Variants in DLGAP4 observed in about 807,000 individuals in gnomAD.
DLGAP4 encodes the protein disks large-associated protein 4.
DLGAP4 carries 18 observed loss-of-function variants against 86.9 expected under a neutral mutation model. The observed-to-expected ratio is 0.21, with a 90% CI of 0.14 to 0.31. The LOEUF is 0.31. DLGAP4 is among the 10% of genes least tolerant of loss of function. DLGAP4 has a pLI of 1.00. For synonymous variants in DLGAP4, 548 were observed against 574.3 expected (o/e 0.95, Z 0.65); for missense variants, 1,085 against 1,362.6 (o/e 0.80, Z 3.21).
rs376525516 is a variant in DLGAP4 at position 36,480,849 on chromosome 20, T to TA, written c.1649-15849dup. 3.1e-3 allele frequency among the ~76,000 whole-genome samples: 465 copies of TA among 152,092 alleles called. 3 individuals carry two copies. The highest frequency in any genetic ancestry group is 0.011 in the African/African-American group (449 of 41,490). On this transcript the variant is annotated intron_variant, in intron 7 of 12. Coordinates refer to ENST00000339266, the MANE Select transcript of DLGAP4 (RefSeq NM_001365621.2). ...AGTGAGACCTCATCTCTACAAAAAC[T>TA]AAAAAAATTAGCCAGGCATGGTGGT...
intron 2 of DLGAP4, among the ~76,000 whole-genome samples, chr20:36,421,565 G>A (rs2032829136): frequency 6.6e-6 from 1 of 152,096 alleles, no homozygotes; most frequent in African/African-American, 2.4e-5. Context: ...TCGGCCTGGG[G>A]CAGGGCTGTG....
chr20:36,351,599 A>G (rs1422119658), intron 1 of DLGAP4, among the ~76,000 whole-genome samples: 1 of 152,036 alleles, frequency 6.6e-6, no homozygotes, highest in Admixed American at 6.6e-5. Context: ...ATTACAATGT[A>G]ATAATAATAG....
At chr20:36,521,877 T>C (rs1569526237) in intron 10 of DLGAP4, among the ~76,000 whole-genome samples, 1 of 152,230 alleles carries the variant, frequency 6.6e-6, no homozygotes, top group Non-Finnish European at 1.5e-5. Context: ...GTAATATCTT[T>C]AACTCCTGTG....
At chr20:36,491,400 G>A (rs1261536980) in intron 7 of DLGAP4, among the ~76,000 whole-genome samples, 3 of 152,146 alleles carry the variant, frequency 2.0e-5, no homozygotes, top group Non-Finnish European at 4.4e-5. Context: ...CAACTGGCTT[G>A]TGTCTGGGCT....
chr20:36,322,912 C>T (rs1210232195), intron 1 of DLGAP4, among the ~76,000 whole-genome samples: 8 of 152,042 alleles, frequency 5.3e-5, no homozygotes, highest in African/African-American at 1.4e-4. Context: ...CAGTGGCTCA[C>T]GCCTGTAATC....
In DLGAP4 at chr20:36,525,216, CAAAAAAAAAAAAAAAAAA is replaced by C. The variant is rs1159616185; in HGVS notation, c.2605-614_2605-597del. On this transcript the variant is annotated intron_variant, in intron 11 of 12. Coordinates refer to ENST00000339266, the MANE Select transcript of DLGAP4 (RefSeq NM_001365621.2). The stretch of plus-strand genomic sequence containing the variant: ...TGGGTGACAGAGCGAGACTCCGTCT[CAAAAAAAAAAAAAAAAAA>C]AAAAAAAAAAAAAAAAAAAACAAAG... Among the ~76,000 whole-genome samples, 267 of 28,504 alleles carry C rather than the reference CAAAAAAAAAAAAAAAAAA, an allele frequency of 9.4e-3. 1 individual carries two copies. In the East Asian group the frequency reaches 0.1, roughly 11 times the overall value. The allele number at this position is 28,504 out of a possible 152,430, so 18.7% of individuals were successfully genotyped here. A position where few individuals can be genotyped will look rare whatever the true frequency, so the allele number is the denominator to read the frequency against.
At chr20:36,368,182 C>T (rs1183808417) in intron 2 of DLGAP4, among the ~76,000 whole-genome samples, 1 of 152,218 alleles carries the variant, frequency 6.6e-6, no homozygotes, top group Non-Finnish European at 1.5e-5. Flanking sequence ...CTCTTACCTC[C>T]CTCCACCCAG....
chr20:36,317,697 T>G (rs2065123329), intron 1 of DLGAP4, among the ~76,000 whole-genome samples: 1 of 151,804 alleles, frequency 6.6e-6, no homozygotes, highest in Admixed American at 6.6e-5. Flanking sequence ...CCTCAAGCAA[T>G]CCTTCTCTCC....
intron 11 of DLGAP4, among the ~76,000 whole-genome samples, chr20:36,525,007 A>T (rs949529449): frequency 6.6e-6 from 1 of 151,746 alleles, no homozygotes; most frequent in Non-Finnish European, 1.5e-5. Context: ...TCATGAGGTC[A>T]GGAGATGGAG....
chr20:36,323,067 C>T (rs1555890710), intron 1 of DLGAP4, among the ~76,000 whole-genome samples: 1 of 149,066 alleles, frequency 6.7e-6, no homozygotes, highest in African/African-American at 2.5e-5. Flanking sequence ...CCCAGCTACT[C>T]AGGAGGAGGC....
intron 10 of DLGAP4, among the ~76,000 whole-genome samples, chr20:36,523,352 T>C (rs2037496502): frequency 6.6e-6 from 1 of 152,322 alleles, no homozygotes; most frequent in African/African-American, 2.4e-5. Flanking sequence ...TATTCCTGGG[T>C]TAAAGAGACT....
chr20:36,484,484 G>A, intron 7 of DLGAP4, among the ~76,000 whole-genome samples: 1 of 152,274 alleles, frequency 6.6e-6, no homozygotes. Context: ...CAACTGAGCA[G>A]GTCCCTCTCA....
At chr20:36,357,348 C>G (rs2030364948) in intron 1 of DLGAP4, among the ~76,000 whole-genome samples, 2 of 152,242 alleles carry the variant, frequency 1.3e-5, no homozygotes, top group Non-Finnish European at 2.9e-5. Flanking sequence ...TGTGTATCCT[C>G]TAAGGCCCAG....
At chr20:36,362,118 C>T (rs143944204) in intron 1 of DLGAP4, among the ~76,000 whole-genome samples, 245 of 151,840 alleles carry the variant, frequency 1.6e-3, no homozygotes, top group African/African-American at 5.8e-3. Context: ...GTGATGAAAC[C>T]CCATCTCTAG....
At chr20:36,514,229 G>A (rs59656149) in intron 10 of DLGAP4, among the ~76,000 whole-genome samples, 1 of 152,164 alleles carries the variant, frequency 6.6e-6, no homozygotes, top group Non-Finnish European at 1.5e-5. Context: ...GAGGTCATTA[G>A]ATACATAAAG....
At position 36,500,760 on chromosome 20, in the gene DLGAP4, G is replaced by A. The variant is rs1276719957; in HGVS notation, c.2512+149G>A. The A allele has an allele frequency of 1.5e-5, 11 of 710,240 alleles. No individual in the cohort carries two copies. Among genetic ancestry groups the A allele is most frequent in the African/African-American group, 1.1e-4 (6 of 53,832 alleles). 44.0% of individuals were successfully genotyped at this position (710,240 alleles called of 1,614,324 possible). A position where few individuals can be genotyped will look rare whatever the true frequency, so the allele number is the denominator to read the frequency against. ...TTTGAGCTCCCTTCTTACTTTCTTC[G>A]CATTCTTCCATCCATCCACCTATTT... On this transcript the variant is annotated intron_variant, in intron 10 of 12. Transcript: ENST00000339266. This position sits in a 1 kb window ranked among gnomAD's most constrained non-coding sequence, Gnocchi z 4.6.
At chr20:36,373,299 T>C (rs2031015729) in intron 2 of DLGAP4, among the ~76,000 whole-genome samples, 3 of 152,238 alleles carry the variant, frequency 2.0e-5, no homozygotes, top group Admixed American at 2.0e-4. Flanking sequence ...GGACTTGATT[T>C]CTGTTTCTCA....
At chr20:36,396,459 ACACACACACATACACAT>A (rs1357210679) in intron 2 of DLGAP4, among the ~76,000 whole-genome samples, 1 of 72,580 alleles carries the variant, frequency 1.4e-5, no homozygotes, top group South Asian at 4.9e-4. Context: ...CATCACATGC[ACACACACACATACACAT>A]CACACACACC....
chr20:36,467,055 T>C (rs1268884567), intron 7 of DLGAP4, among the ~76,000 whole-genome samples: 5 of 112,468 alleles, frequency 4.4e-5, no homozygotes, highest in African/African-American at 1.8e-4. Context: ...TCTCTCTCTC[T>C]CTCTCTCTCC....
Sources: allele counts gnomAD v4.1 joint callset (sites outside exome capture counted in the v4.1 genomes callset), GRCh38; gene constraint gnomAD v4.1.1; non-coding constraint Gnocchi (gnomAD v3.1); transcripts MANE v1.5; gene names NCBI Gene and HGNC (gene_info 2026-07-23, HGNC 2026-07-21).